The following CPNE4 variants were observed in gnomAD, a reference collection of about 807,000 sequenced individuals.
The protein encoded by CPNE4 is copine-4.
CPNE4 carries 25 observed loss-of-function variants against 67.9 expected under a neutral mutation model. That is an observed-to-expected ratio of 0.37 (90% CI 0.27 to 0.51). The LOEUF (loss-of-function observed/expected upper bound fraction) is 0.51. Ranked by LOEUF, CPNE4 falls within the 20% of genes least tolerant of loss-of-function variation. The probability of loss-of-function intolerance (pLI) is 0.93; values close to 1 mark genes in which losing one functional copy is unlikely to be tolerated. For missense variants in CPNE4, 464 were observed against 690.8 expected (o/e 0.67, Z 3.68); for synonymous variants, 242 against 244.9 (o/e 0.99, Z 0.11).
chr3:131,747,117 T>C (rs983906082), intron 2 of CPNE4, among the ~76,000 whole-genome samples: 1 of 27,312 alleles, frequency 3.7e-5, no homozygotes, highest in East Asian at 1.8e-3. Flanking sequence ...TTTAAAATCA[T>C]GTTTTTTTTT....
At chr3:131,838,537 T>A (rs1241486922) in intron 2 of CPNE4, among the ~76,000 whole-genome samples, 2 of 151,620 alleles carry the variant, frequency 1.3e-5, no homozygotes, top group Non-Finnish European at 1.5e-5. Flanking sequence ...TGAAAATCAA[T>A]AGTAAAGGAA....
Position 131,902,885 on chromosome 3 carries a change from T to TTATCTTGG in CPNE4, c.180+2378_180+2379insCCAAGATA, listed in dbSNP as rs558477061. Among the ~76,000 whole-genome samples, 5 of 152,202 alleles carry TTATCTTGG rather than the reference T, an allele frequency of 3.3e-5. No individual in the cohort carries two copies. In the South Asian group the frequency reaches 1.0e-3, roughly 31 times the overall value. ...TTTAGAAGGGAAAAAAAAGATACTA[T>TTATCTTGG]GTATTAAGACACCCATGAATACTGT... On this transcript the variant is annotated intron_variant, in intron 2 of 15. Transcript: ENST00000429747.
chr3:131,847,529 G>T (rs752574883), intron 2 of CPNE4, among the ~76,000 whole-genome samples: 1 of 152,132 alleles, frequency 6.6e-6, no homozygotes, highest in Non-Finnish European at 1.5e-5. Context: ...GAGAATGGGG[G>T]TCGATAGGTA....
At chr3:131,596,397 C>A (rs998287653) in intron 7 of CPNE4, among the ~76,000 whole-genome samples, 1 of 116,540 alleles carries the variant, frequency 8.6e-6, no homozygotes, top group Non-Finnish European at 1.7e-5. Flanking sequence ...CCGAGGCGGG[C>A]GGATCACGAG....
chr3:131,653,801 G>A (rs777732274), intron 7 of CPNE4, among the ~76,000 whole-genome samples: 4 of 152,156 alleles, frequency 2.6e-5, no homozygotes, highest in Non-Finnish European at 5.9e-5. Context: ...CTACTCTGAA[G>A]CCTGTAAATA....
At chr3:131,801,450 GTGTATA>G (rs1461700537) in intron 2 of CPNE4, among the ~76,000 whole-genome samples, 9 of 39,576 alleles carry the variant, frequency 2.3e-4, no homozygotes, top group South Asian at 9.7e-4. Flanking sequence ...GTGTGTGTGT[GTGTATA>G]TATATATATA....
chr3:131,627,193 C>CAAA (rs57977015), intron 7 of CPNE4, among the ~76,000 whole-genome samples: 1,973 of 68,302 alleles, frequency 0.029, 76 homozygotes, highest in South Asian at 0.064. Flanking sequence ...GACTCCATCT[C>CAAA]AAAAAAAAAA....
intron 2 of CPNE4, among the ~76,000 whole-genome samples, chr3:131,849,745 C>A (rs1158332167): frequency 1.3e-5 from 2 of 152,046 alleles, no homozygotes; most frequent in East Asian, 3.9e-4. Context: ...GCCCTTTGGT[C>A]CCAAGAAGAA....
At chr3:131,661,362 T>C (rs952206740) in intron 7 of CPNE4, among the ~76,000 whole-genome samples, 3 of 152,220 alleles carry the variant, frequency 2.0e-5, no homozygotes, top group African/African-American at 7.2e-5. Flanking sequence ...TCACCTGTAA[T>C]ATAAGATGAT....
At chr3:131,704,365 T>A (rs1199678153) in intron 3 of CPNE4, among the ~76,000 whole-genome samples, 1 of 152,130 alleles carries the variant, frequency 6.6e-6, no homozygotes, top group Non-Finnish European at 1.5e-5. Context: ...TGACTGATGG[T>A]CTTTGGTACA....
chr3:131,894,171 C>T (rs1298711021), intron 2 of CPNE4, among the ~76,000 whole-genome samples: 1 of 151,630 alleles, frequency 6.6e-6, no homozygotes, highest in Non-Finnish European at 1.5e-5. Context: ...TATGAAGAAA[C>T]AGAAAATCTG....
intron 1 of CPNE4, among the ~76,000 whole-genome samples, chr3:131,984,351 T>C (rs911668849): frequency 2.6e-5 from 4 of 152,072 alleles, no homozygotes; most frequent in African/African-American, 9.7e-5. Context: ...TGCATAAGGG[T>C]TTCTTGTGAT....
intron 2 of CPNE4, among the ~76,000 whole-genome samples, chr3:131,811,116 T>C (rs373684733): frequency 3.3e-5 from 5 of 152,222 alleles, no homozygotes; most frequent in Admixed American, 2.0e-4. Context: ...ATAATGCTTA[T>C]AGCTAACAAT....
At chr3:131,680,318 G>A (rs1306580934) in intron 6 of CPNE4, among the ~76,000 whole-genome samples, 1 of 146,636 alleles carries the variant, frequency 6.8e-6, no homozygotes, top group East Asian at 2.0e-4. Context: ...GCCTATATGT[G>A]TCAAGAGACC....
rs779872236 is a variant in CPNE4 at position 131,699,929 on chromosome 3, CT to C, written c.411del (p.Ala138GlnfsTer8). 7 of 1,612,962 alleles carry C rather than the reference CT, an allele frequency of 4.3e-6. No individual in the cohort carries two copies. Among genetic ancestry groups the C allele is most frequent in the East Asian group, 2.2e-5 (1 of 44,866 alleles). ...CTTACCGTGATGGAAGATTTCCCTG[CT>C]GTGTTCCCATGCTTCAGCAAGGATT... ...LSKSLLKHGN[T>X]AGKSSITVIA... On this transcript the variant is annotated frameshift_variant, in exon 4 of 16. Coordinates refer to ENST00000429747, the MANE Select transcript of CPNE4 (RefSeq NM_130808.3). LOFTEE classifies it high-confidence loss of function.
At chr3:131,928,776 C>T (rs1017086053) in intron 1 of CPNE4, among the ~76,000 whole-genome samples, 1 of 152,168 alleles carries the variant, frequency 6.6e-6, no homozygotes, top group African/African-American at 2.4e-5. Context: ...TGTCAGGCCT[C>T]CAGGCATGTG....
At chr3:131,695,123 G>C (rs533594015) in intron 5 of CPNE4, among the ~76,000 whole-genome samples, 4 of 152,234 alleles carry the variant, frequency 2.6e-5, no homozygotes, top group South Asian at 4.1e-4. Flanking sequence ...TTCCATCTGA[G>C]ACCATTTAAC....
chr3:131,723,903 G>A (rs2081945544), intron 2 of CPNE4, among the ~76,000 whole-genome samples: 1 of 152,056 alleles, frequency 6.6e-6, no homozygotes, highest in Non-Finnish European at 1.5e-5. Context: ...ATATCATTAT[G>A]TCATTTTGTT....
intron 2 of CPNE4, among the ~76,000 whole-genome samples, chr3:131,832,777 G>A (rs1433039279): frequency 6.6e-6 from 1 of 152,112 alleles, no homozygotes; most frequent in Non-Finnish European, 1.5e-5. Context: ...TGAGACTTTA[G>A]ATTTTAGACT....
Sources: allele counts gnomAD v4.1 joint callset (sites outside exome capture counted in the v4.1 genomes callset), GRCh38; gene constraint gnomAD v4.1.1; transcripts MANE v1.5; gene names NCBI Gene and HGNC (gene_info 2026-07-23, HGNC 2026-07-21).